AGBL4: variants seen among roughly 807,000 people sequenced by gnomAD.
AGBL4 encodes the protein AGBL carboxypeptidase 4, also known as cytosolic carboxypeptidase 6.
In AGBL4, 58 loss-of-function variants were observed where a neutral mutation model predicts 66.4. The ratio of observed to expected loss-of-function variants is 0.87; its 90% confidence interval spans 0.71 to 1.09. The LOEUF (loss-of-function observed/expected upper bound fraction) is 1.09. AGBL4 is among the 50% of genes least tolerant of loss of function. The pLI is 0.00. For synonymous variants in AGBL4, 234 were observed against 222.9 expected, an observed-to-expected ratio of 1.05 and a Z score of -0.44; for missense variants, 579 against 631.0, an observed-to-expected ratio of 0.92 and a Z score of 0.88.
chr1:48,907,613 C>T (rs1652729539), intron 5 of AGBL4, among the ~76,000 whole-genome samples: 1 of 152,190 alleles, frequency 6.6e-6, no homozygotes, highest in South Asian at 2.1e-4. Context: ...TGGAGGTCCT[C>T]ACCCTGAAAT....
chr1:49,761,720 CTT>C (rs1652332357), intron 2 of AGBL4, among the ~76,000 whole-genome samples: 1 of 152,166 alleles, frequency 6.6e-6, no homozygotes. Context: ...AAAAACCTCT[CTT>C]ATAGCTTTTT....
chr1:49,589,173 T>A (rs1378670578), intron 3 of AGBL4, among the ~76,000 whole-genome samples: 3 of 152,168 alleles, frequency 2.0e-5, no homozygotes, highest in African/African-American at 4.8e-5. Flanking sequence ...AGGAGCACTC[T>A]TTTTTATTTA....
At chr1:49,509,612 G>A (rs756055861) in intron 3 of AGBL4, among the ~76,000 whole-genome samples, 14 of 151,816 alleles carry the variant, frequency 9.2e-5, no homozygotes, top group Non-Finnish European at 2.1e-4. Context: ...AAACCAAATA[G>A]GGAGTCATTG....
intron 3 of AGBL4, among the ~76,000 whole-genome samples, chr1:49,689,664 TG>T (rs1185460119): frequency 6.6e-6 from 1 of 152,176 alleles, no homozygotes; most frequent in African/African-American, 2.4e-5. Flanking sequence ...TTGGGTAGTG[TG>T]GACATTTTAA....
At chr1:49,135,635 G>A (rs1645995797) in intron 4 of AGBL4, among the ~76,000 whole-genome samples, 3 of 152,176 alleles carry the variant, frequency 2.0e-5, no homozygotes, top group African/African-American at 7.2e-5. Context: ...AAAGGAATAG[G>A]TTGGGCTAGT....
At chr1:49,078,780 T>C (rs1644757131) in intron 4 of AGBL4, among the ~76,000 whole-genome samples, 1 of 152,210 alleles carries the variant, frequency 6.6e-6, no homozygotes, top group Non-Finnish European at 1.5e-5. Flanking sequence ...TTGTCTTCAA[T>C]CTTGCTTTTT....
intron 5 of AGBL4, among the ~76,000 whole-genome samples, chr1:49,029,962 G>C (rs372969594): frequency 2.6e-5 from 4 of 152,242 alleles, no homozygotes; most frequent in Non-Finnish European, 2.9e-5. Flanking sequence ...TTATGGGACA[G>C]GCATAAATTG....
chr1:48,816,163 C>T (rs1934373), intron 6 of AGBL4, among the ~76,000 whole-genome samples: 139,510 of 151,858 alleles, frequency 0.92, 65,213 homozygotes, highest in East Asian at 1. Flanking sequence ...ATGTCGCCAG[C>T]TCTGTTGATT....
At chr1:49,488,108 T>G (rs1468422079) in intron 3 of AGBL4, among the ~76,000 whole-genome samples, 1 of 151,922 alleles carries the variant, frequency 6.6e-6, no homozygotes, top group Admixed American at 6.6e-5. Flanking sequence ...TTATGAAATA[T>G]TTAGGTGTAC....
At chr1:49,279,298 T>A (rs930346732) in intron 3 of AGBL4, among the ~76,000 whole-genome samples, 1 of 152,154 alleles carries the variant, frequency 6.6e-6, no homozygotes, top group African/African-American at 2.4e-5. Flanking sequence ...AAGGTAGAGT[T>A]AAATTACTCC....
chr1:48,806,745 A>G (rs1645932797), intron 6 of AGBL4, among the ~76,000 whole-genome samples: 1 of 152,208 alleles, frequency 6.6e-6, no homozygotes, highest in Non-Finnish European at 1.5e-5. Flanking sequence ...GTAAGAGAAA[A>G]AGAAGCTTTT....
chr1:49,373,520 G>T (rs913930571), intron 3 of AGBL4, among the ~76,000 whole-genome samples: 1 of 152,100 alleles, frequency 6.6e-6, no homozygotes, highest in African/African-American at 2.4e-5. Flanking sequence ...CATTTTTAAA[G>T]AAACAATTCT....
intron 3 of AGBL4, among the ~76,000 whole-genome samples, chr1:49,323,714 A>G (rs1172136770): frequency 6.7e-6 from 1 of 150,348 alleles, no homozygotes; most frequent in Non-Finnish European, 1.5e-5. Context: ...GCTTGCAGTG[A>G]GCCAAGATTG....
intron 2 of AGBL4, among the ~76,000 whole-genome samples, chr1:49,751,296 G>T (rs1261070688): frequency 6.6e-6 from 1 of 152,092 alleles, no homozygotes; most frequent in Non-Finnish European, 1.5e-5. Context: ...GTATGAAGGG[G>T]TGTTGAATTT....
chr1:49,971,552 T>C (rs1387091887), intron 1 of AGBL4, among the ~76,000 whole-genome samples: 1 of 152,102 alleles, frequency 6.6e-6, no homozygotes. Context: ...CATGGTGAGG[T>C]CACTAAGAAT....
chr1:49,786,368 CCA>C (rs1644455122), intron 2 of AGBL4, among the ~76,000 whole-genome samples: 1 of 152,046 alleles, frequency 6.6e-6, no homozygotes, highest in East Asian at 1.9e-4. Context: ...ATTTATTATC[CCA>C]CAGTTTCTAT....
At chr1:49,388,572 T>A (rs1202788447) in intron 3 of AGBL4, among the ~76,000 whole-genome samples, 1 of 152,152 alleles carries the variant, frequency 6.6e-6, no homozygotes, top group South Asian at 2.1e-4. Context: ...GATCCAGCAC[T>A]CAATACTTCA....
At chr1:49,162,072 T>C (rs1476242016) in intron 4 of AGBL4, among the ~76,000 whole-genome samples, 1 of 152,166 alleles carries the variant, frequency 6.6e-6, no homozygotes, top group Non-Finnish European at 1.5e-5. Flanking sequence ...GAGATAGGGG[T>C]ACCTTTCTCA....
intron 4 of AGBL4, among the ~76,000 whole-genome samples, chr1:49,072,783 T>C (rs182852033): frequency 5.1e-4 from 78 of 152,330 alleles, no homozygotes; most frequent in Non-Finnish European, 9.4e-4. Flanking sequence ...ATTTGAATGT[T>C]GGCCTGCCTT....
Sources: gnomAD v4.1 joint callset for allele counts (sites outside exome capture counted in the v4.1 genomes callset) on GRCh38, gnomAD v4.1.1 for gene constraint, MANE v1.5 for transcripts, NCBI Gene and HGNC (gene_info 2026-07-23, HGNC 2026-07-21) for gene names.